Variants in KLHDC1 observed in about 807,000 individuals in gnomAD.
KLHDC1 encodes the protein kelch domain-containing protein 1.
In KLHDC1, 53 loss-of-function variants were observed where a neutral mutation model predicts 68.3. The ratio of observed to expected loss-of-function variants is 0.78; its 90% CI spans 0.62 to 0.98. The LOEUF (loss-of-function observed/expected upper bound fraction) is 0.98, where lower values mean the gene tolerates loss of function less well. Ranked by LOEUF, KLHDC1 falls within the 50% of genes least tolerant of loss-of-function variation. The pLI is 0.00. For synonymous variants in KLHDC1, 148 were observed against 159.0 expected (o/e 0.93, Z 0.52); for missense variants, 470 against 492.3 (o/e 0.95, Z 0.43).
At chr14:49,704,387 G>GTTTTTTTTTTTTTTTT (rs35067251) in intron 1 of KLHDC1, among the ~76,000 whole-genome samples, 5 of 68,690 alleles carry the variant, frequency 7.3e-5, no homozygotes, top group Admixed American at 2.6e-4. Flanking sequence ...TTCCTTTTCT[G>GTTTTTTTTTTTTTTTT]TTTTTTTTTT....
At chr14:49,722,669 G>C (rs1193836477) in intron 4 of KLHDC1, among the ~76,000 whole-genome samples, 2 of 152,192 alleles carry the variant, frequency 1.3e-5, no homozygotes, top group African/African-American at 4.8e-5. Flanking sequence ...AGAGAAAGAG[G>C]TTTATTGGAC....
intron 4 of KLHDC1, among the ~76,000 whole-genome samples, chr14:49,715,633 T>G (rs943648040): frequency 2.7e-5 from 4 of 149,168 alleles, no homozygotes; most frequent in African/African-American, 9.8e-5. Flanking sequence ...TAGTTCCACC[T>G]ACTTAGGAGG....
At chr14:49,724,057 C>A in intron 5 of KLHDC1, 105 bp downstream of exon 5, 2 of 625,856 alleles carry the variant, frequency 3.2e-6, no homozygotes, top group South Asian at 2.4e-5. Flanking sequence ...ACCAATTTGT[C>A]GTAATTGACG....
chr14:49,729,195 C>T lies in KLHDC1; in HGVS notation c.651+186C>T, dbSNP rs77233039. Among the ~76,000 whole-genome samples, 1,256 of 152,212 alleles carry T rather than the reference C, an allele frequency of 8.3e-3. 27 individuals carry two copies. The highest frequency in any genetic ancestry group is 0.029 in the African/African-American group (1,206 of 41,530). ...TGAACAATCATAGATGATTATAAAT[C>T]ATATTTTAATGAGGAGAATCTTTCA... On this transcript the variant is annotated intron_variant, in intron 7 of 12. Transcript: ENST00000359332.
intron 6 of KLHDC1, among the ~76,000 whole-genome samples, chr14:49,728,248 G>A (rs1888719992): frequency 6.6e-6 from 1 of 152,216 alleles, no homozygotes; most frequent in Non-Finnish European, 1.5e-5. Flanking sequence ...GCATAAACCC[G>A]GGAGGTGGAG....
intron 2 of KLHDC1, 87 bp from the exon 3 acceptor site, chr14:49,709,622 C>T: frequency 1.6e-6 from 1 of 631,704 alleles, no homozygotes; most frequent in Non-Finnish European, 2.7e-6. Context: ...TGACAGTTTT[C>T]ACTGACAAAA....
intron 1 of KLHDC1, among the ~76,000 whole-genome samples, chr14:49,704,504 G>A (rs1012062294): frequency 5.0e-5 from 7 of 139,942 alleles, no homozygotes; most frequent in Non-Finnish European, 9.0e-5. Context: ...AGCAATTCTC[G>A]TGCCTCAGCC....
chr14:49,731,115 A>G (rs754110158), intron 8 of KLHDC1, among the ~76,000 whole-genome samples: 1 of 152,148 alleles, frequency 6.6e-6, no homozygotes, highest in Non-Finnish European at 1.5e-5. Flanking sequence ...CCCCGTCTCT[A>G]CTAAATACAA....
At chr14:49,725,552 C>A in intron 5 of KLHDC1, 134 bp from the exon 6 acceptor site, 1 of 588,294 alleles carries the variant, frequency 1.7e-6, no homozygotes, top group Non-Finnish European at 2.9e-6. Context: ...TATCCGTTGG[C>A]TTTGTGACTA....
chr14:49,696,274 C>A (rs1373005480), intron 1 of KLHDC1, among the ~76,000 whole-genome samples: 2 of 150,252 alleles, frequency 1.3e-5, no homozygotes, highest in Admixed American at 1.3e-4. Context: ...TGAGCTCAAG[C>A]AATTCTCATG....
At chr14:49,717,962 C>T (rs531771335) in intron 4 of KLHDC1, among the ~76,000 whole-genome samples, 29 of 152,124 alleles carry the variant, frequency 1.9e-4, no homozygotes, top group African/African-American at 5.5e-4. Flanking sequence ...TGGCTTACTG[C>T]AGCTTTGAAC....
At chr14:49,715,348 C>A (rs1321802920) in intron 4 of KLHDC1, among the ~76,000 whole-genome samples, 2 of 151,662 alleles carry the variant, frequency 1.3e-5, no homozygotes, top group African/African-American at 4.8e-5. Flanking sequence ...GTTTTGATCT[C>A]TTGACCTCAT....
intron 1 of KLHDC1, among the ~76,000 whole-genome samples, chr14:49,697,493 GAC>G (rs1245945193): frequency 6.6e-6 from 1 of 152,196 alleles, no homozygotes; most frequent in African/African-American, 2.4e-5. Flanking sequence ...ACCAAAATGT[GAC>G]ACAGACACGA....
At chr14:49,713,193 A>G (rs1888254378) in intron 4 of KLHDC1, among the ~76,000 whole-genome samples, 1 of 150,660 alleles carries the variant, frequency 6.6e-6, no homozygotes. Context: ...TGACCTCGTG[A>G]TCCGCCCGCC....
chr14:49,751,527 A>C, intron 12 of KLHDC1, 59 bp from the exon 13 acceptor site: 1 of 766,254 alleles, frequency 1.3e-6, no homozygotes, highest in East Asian at 3.1e-5. Flanking sequence ...TTAACTATAA[A>C]TATTTTATAT....
chr14:49,710,347 C>A lies in KLHDC1; in HGVS notation c.370C>A (p.Arg124Ser). ...CTTTGAAGGGCAACCACCTACACCACGTGATAAACTTTCCTGCTGGGTATA... is the reference window on the plus strand; with the variant it reads ...CTTTGAAGGGCAACCACCTACACCAAGTGATAAACTTTCCTGCTGGGTATA... The part of the protein sequence containing the change: ...TDFEGQPPTP[R>S]DKLSCWVYKD... The change falls in exon 4 of 13, where the codon CGT becomes AGT. Residue 124 changes from arginine to serine, a missense_variant. Transcript: ENST00000359332. The A allele has an allele frequency of 2.5e-6, 4 of 1,608,260 alleles. No homozygotes were observed. Among genetic ancestry groups the A allele is most frequent in the South Asian group, 1.1e-5 (1 of 90,900 alleles).
intron 8 of KLHDC1, 69 bp from the exon 9 acceptor site, chr14:49,732,635 C>A: frequency 1.3e-6 from 1 of 741,504 alleles, no homozygotes; most frequent in Non-Finnish European, 2.2e-6. Flanking sequence ...TTTTTAAGAT[C>A]TAAGATGATT....
In KLHDC1 at chr14:49,752,847, A is replaced by C. The variant is rs1889346582; in HGVS notation, c.*1075A>C. On this transcript the variant is annotated 3_prime_UTR_variant, in exon 13 of 13. Coordinates refer to ENST00000359332, the MANE Select transcript of KLHDC1 (RefSeq NM_172193.3). ...TTATTAATTACAATTAATTACTAAA[A>C]AGCTTGGTATGTAAAATTATTCTCC... The C allele has an allele frequency of 6.6e-6, 1 of 152,094 alleles. No individual in the cohort carries two copies. Among genetic ancestry groups the C allele is most frequent in the Non-Finnish European group, 1.5e-5 (1 of 67,984 alleles). The allele number at this position is 152,094 out of a possible 1,614,324, so 9.4% of individuals were successfully genotyped here. A position where few individuals can be genotyped will look rare whatever the true frequency, so the allele number is the denominator to read the frequency against.
At chr14:49,709,966 GA>G (rs35083190) in intron 3 of KLHDC1, 140 bp downstream of exon 3, 4 of 534,468 alleles carry the variant, frequency 7.5e-6, no homozygotes, top group Non-Finnish European at 1.3e-5. Flanking sequence ...AAGCTGGGTT[GA>G]AAATGCAGCA....
Sources: gnomAD v4.1 joint callset for allele counts (sites outside exome capture counted in the v4.1 genomes callset) on GRCh38, gnomAD v4.1.1 for gene constraint, MANE v1.5 for transcripts, NCBI Gene and HGNC (gene_info 2026-07-23, HGNC 2026-07-21) for gene names.